SYK: variants seen among roughly 807,000 people sequenced by gnomAD.
SYK encodes the protein tyrosine-protein kinase SYK.
In SYK, 16 loss-of-function variants were observed where a neutral mutation model predicts 77.8. That is an observed-to-expected ratio of 0.21 (90% CI 0.14 to 0.31). The LOEUF is 0.31. Ranked by LOEUF, SYK falls within the 10% of genes least tolerant of loss-of-function variation. The probability of loss-of-function intolerance (pLI) is 1.00; values close to 1 mark genes in which losing one functional copy is unlikely to be tolerated. For missense variants in SYK, 529 were observed against 814.4 expected, an observed-to-expected ratio of 0.65 and a Z score of 4.26; for synonymous variants, 312 against 308.7, an observed-to-expected ratio of 1.01 and a Z score of -0.11.
Position 90,862,296 on chromosome 9 carries a change from A to G in SYK, c.669A>G (p.Thr223=). ...VLHYRIDKDK[T]GKLSIPEGKK... Reference sequence around the variant, plus strand: ...ACTATCGCATCGACAAAGACAAGACAGGGAAGCTCTCCATCCCCGAGGGAA... The same window carrying G: ...ACTATCGCATCGACAAAGACAAGACGGGGAAGCTCTCCATCCCCGAGGGAA... Residue 223 remains threonine, a synonymous_variant, in exon 4 of 14, where the codon ACA becomes ACG. Transcript: ENST00000375754. 1 of 1,614,176 alleles carries G rather than the reference A, an allele frequency of 6.2e-7. No individual in the cohort carries two copies.
At chr9:90,877,443 A>G in intron 9 of SYK, 128 bp from the exon 10 acceptor site, 1 of 984,284 alleles carries the variant, frequency 1.0e-6, no homozygotes, top group Non-Finnish European at 1.5e-6. Context: ...TTCTGAAGAC[A>G]CATTGCCACT....
intron 1 of SYK, among the ~76,000 whole-genome samples, chr9:90,840,810 T>C (rs373144537): frequency 6.6e-5 from 10 of 152,180 alleles, no homozygotes; most frequent in African/African-American, 2.4e-4. Context: ...GAAATGATGA[T>C]TAATACCCTC....
At chr9:90,855,741 C>G (rs1022955195) in intron 3 of SYK, among the ~76,000 whole-genome samples, 1 of 150,892 alleles carries the variant, frequency 6.6e-6, no homozygotes, top group Non-Finnish European at 1.5e-5. Context: ...AAAGAAAGAA[C>G]CATCTGGAGG....
At chr9:90,851,612 CTTG>C (rs1465646280) in intron 3 of SYK, among the ~76,000 whole-genome samples, 1 of 152,076 alleles carries the variant, frequency 6.6e-6, no homozygotes, top group Non-Finnish European at 1.5e-5. Flanking sequence ...AGAGTGCTGC[CTTG>C]TTGGTGACGT....
intron 1 of SYK, among the ~76,000 whole-genome samples, chr9:90,811,724 C>T (rs1441970955): frequency 6.6e-6 from 1 of 150,658 alleles, no homozygotes; most frequent in Non-Finnish European, 1.5e-5. Context: ...TTGAAGCCAG[C>T]CTGGGCAATA....
chr9:90,841,759 T>C (rs554920279), intron 1 of SYK, among the ~76,000 whole-genome samples: 1 of 151,238 alleles, frequency 6.6e-6, no homozygotes, highest in African/African-American at 2.4e-5. Flanking sequence ...GTGTGTGGTG[T>C]ATGTGATGTG....
chr9:90,882,548 T>C (rs1287312119), intron 11 of SYK, among the ~76,000 whole-genome samples: 1 of 152,240 alleles, frequency 6.6e-6, no homozygotes, highest in Non-Finnish European at 1.5e-5. Flanking sequence ...TTGACCTCTG[T>C]ACTATCACTT....
intron 8 of SYK, among the ~76,000 whole-genome samples, 154 bp from the exon 9 acceptor site, chr9:90,874,518 G>A (rs1364197286): frequency 1.3e-5 from 2 of 152,242 alleles, no homozygotes; most frequent in Non-Finnish European, 2.9e-5. Context: ...ACCCAACGAC[G>A]TTGGAAATGT....
At chr9:90,823,154 C>A (rs1408085327) in intron 1 of SYK, among the ~76,000 whole-genome samples, 1 of 152,136 alleles carries the variant, frequency 6.6e-6, no homozygotes, top group African/African-American at 2.4e-5. Flanking sequence ...CAGGGGTCAG[C>A]GCTTCAAGGA....
At chr9:90,868,751 A>G (rs1019813352) in intron 7 of SYK, among the ~76,000 whole-genome samples, 1 of 152,176 alleles carries the variant, frequency 6.6e-6, no homozygotes, top group African/African-American at 2.4e-5. Context: ...TTCCTTGGGG[A>G]AGTCTGAAAT....
At position 90,898,238 on chromosome 9, in the gene SYK, A is replaced by C. The variant is rs200362937; in HGVS notation, c.*2638A>C. 3 of 231,312 alleles carry C rather than the reference A, an allele frequency of 1.3e-5. No individual in the cohort carries two copies. In the East Asian group the frequency reaches 1.8e-4, roughly 14 times the overall value. The allele number at this position is 231,312 out of a possible 1,614,324, so 14.3% of individuals were successfully genotyped here. A position where few individuals can be genotyped will look rare whatever the true frequency, so the allele number is the denominator to read the frequency against. ...GCCGACAGTTTCTATCACAGAAAAC[A>C]GTGTGTTCAGTGGTGAAAATCGTTG... On this transcript the variant is annotated 3_prime_UTR_variant, in exon 14 of 14. Transcript: ENST00000375754.
intron 1 of SYK, among the ~76,000 whole-genome samples, chr9:90,811,260 G>A (rs290240): frequency 0.66 from 100,948 of 152,066 alleles, 33,779 homozygotes; most frequent in East Asian, 0.83. Flanking sequence ...TTGTGGTAAA[G>A]CATCAATAGC....
intron 3 of SYK, among the ~76,000 whole-genome samples, chr9:90,856,546 C>A (rs902906176): frequency 4.9e-5 from 7 of 143,240 alleles, no homozygotes; most frequent in Admixed American, 2.1e-4. Context: ...TACGCTCATT[C>A]ACTGATTTTT....
At chr9:90,866,112 G>A (rs1385564089) in intron 6 of SYK, among the ~76,000 whole-genome samples, 2 of 152,044 alleles carry the variant, frequency 1.3e-5, no homozygotes, top group Admixed American at 6.6e-5. Context: ...CGTTAGCCAG[G>A]ATGGTCTCGA....
At chr9:90,876,287 C>CAAAAAAAAA (rs71923873) in intron 9 of SYK, among the ~76,000 whole-genome samples, 1 of 120,060 alleles carries the variant, frequency 8.3e-6, no homozygotes, top group Admixed American at 8.0e-5. Context: ...AACTCTGCCT[C>CAAAAAAAAA]AAAAAAAAAA....
chr9:90,862,985 C>T (rs550353696), intron 4 of SYK, among the ~76,000 whole-genome samples: 1 of 152,226 alleles, frequency 6.6e-6, no homozygotes, highest in Admixed American at 6.5e-5. Flanking sequence ...TTGCCACAGC[C>T]CTGGTCTAAA....
chr9:90,866,000 G>T (rs531444103), intron 6 of SYK, among the ~76,000 whole-genome samples: 2,298 of 140,058 alleles, frequency 0.016, 33 homozygotes, highest in Non-Finnish European at 0.024. Context: ...CCGGGTTCAC[G>T]CCATTCTCCT....
Position 90,898,520 on chromosome 9 carries a change from C to G in SYK, c.*2920C>G. On this transcript the variant is annotated 3_prime_UTR_variant, in exon 14 of 14. Coordinates refer to ENST00000375754, the MANE Select transcript of SYK (RefSeq NM_003177.7). ...TTGTGTCACTGGACATTTTTAAAAACTGTGATTTTTAATAAAAATTTAAAA... is the reference window on the plus strand; with the variant it reads ...TTGTGTCACTGGACATTTTTAAAAAGTGTGATTTTTAATAAAAATTTAAAA... 1 of 206,720 alleles carries G rather than the reference C, an allele frequency of 4.8e-6. No individual in the cohort carries two copies. The highest frequency in any genetic ancestry group is 9.9e-6 in the Non-Finnish European group (1 of 101,376). The allele number at this position is 206,720 out of a possible 1,614,324, so 12.8% of individuals were successfully genotyped here.
chr9:90,816,051 C>T (rs539948276), intron 1 of SYK, among the ~76,000 whole-genome samples: 1 of 152,278 alleles, frequency 6.6e-6, no homozygotes, highest in South Asian at 2.1e-4. Flanking sequence ...TGGAGCTTTT[C>T]ATTGTTTTTT....
Sources: gnomAD v4.1 joint callset for allele counts (sites outside exome capture counted in the v4.1 genomes callset) on GRCh38, gnomAD v4.1.1 for gene constraint, MANE v1.5 for transcripts, NCBI Gene and HGNC (gene_info 2026-07-23, HGNC 2026-07-21) for gene names.